Variants in CTBP2 observed in about 807,000 individuals in gnomAD.
The protein encoded by CTBP2 is C-terminal binding protein 2.
CTBP2 carries 30 observed loss-of-function variants against 80.3 expected under a neutral mutation model. The observed-to-expected ratio is 0.37, with a 90% CI of 0.28 to 0.51. The LOEUF (loss-of-function observed/expected upper bound fraction) is 0.51, where lower values mean the gene tolerates loss of function less well. Ranked by LOEUF, CTBP2 falls within the 20% of genes least tolerant of loss-of-function variation. The pLI, the probability that CTBP2 is intolerant of heterozygous loss-of-function variation, is 0.93. For synonymous variants in CTBP2, 594 were observed against 587.4 expected (o/e 1.01, Z -0.16); for missense variants, 1,212 against 1,375.3 (o/e 0.88, Z 1.88).
chr10:125,155,594 C>T (rs1436542400), intron 1 of CTBP2, among the ~76,000 whole-genome samples: 1 of 151,818 alleles, frequency 6.6e-6, no homozygotes, highest in East Asian at 1.9e-4. Context: ...TCCATTAAAT[C>T]ATGATCAAAA....
At chr10:125,136,309 T>C (rs896901534) in intron 1 of CTBP2, among the ~76,000 whole-genome samples, 1 of 152,108 alleles carries the variant, frequency 6.6e-6, no homozygotes, top group Admixed American at 6.5e-5. Flanking sequence ...TCAGGGTGCA[T>C]GGGTGGGGCT....
chr10:125,121,474 C>G (rs1854312125), intron 1 of CTBP2, among the ~76,000 whole-genome samples: 1 of 152,172 alleles, frequency 6.6e-6, no homozygotes, highest in Non-Finnish European at 1.5e-5. Flanking sequence ...TGAAGAGTAT[C>G]CTTGCTGTGG....
intron 2 of CTBP2, among the ~76,000 whole-genome samples, chr10:125,076,904 T>C (rs943186884): frequency 6.6e-6 from 1 of 152,204 alleles, no homozygotes; most frequent in Non-Finnish European, 1.5e-5. Context: ...TAAATGGTCA[T>C]TTCTGCCAAG....
chr10:125,124,139 G>A (rs1225962791), intron 1 of CTBP2, among the ~76,000 whole-genome samples: 2 of 152,202 alleles, frequency 1.3e-5, no homozygotes, highest in African/African-American at 4.8e-5. Flanking sequence ...TGTGCTAGCA[G>A]ATAGCCAGGG....
intron 1 of CTBP2, among the ~76,000 whole-genome samples, chr10:125,143,140 C>T (rs577502371): frequency 2.0e-4 from 30 of 152,304 alleles, no homozygotes; most frequent in Admixed American, 4.6e-4. Flanking sequence ...CACGACATCC[C>T]GCACACAGTA....
At chr10:125,124,690 A>G (rs764082691) in intron 1 of CTBP2, among the ~76,000 whole-genome samples, 6 of 152,234 alleles carry the variant, frequency 3.9e-5, no homozygotes, top group Non-Finnish European at 8.8e-5. Flanking sequence ...TTCTACATAC[A>G]TTAAATATAT....
Position 125,026,556 on chromosome 10 carries a change from G to C in CTBP2, c.1204C>G (p.Pro402Ala), listed in dbSNP as rs113477585. The stretch of plus-strand genomic sequence containing the variant: ...GGTGCGCTGGAGGGACGGCGAGCCG[G>C]GTCTCCAGCTCGGGGGGATGCTGTC... Residue 402 changes from proline to alanine, a missense_variant, in exon 1 of 9, where the codon CCG becomes GCG. Physicochemically the swap from Pro to Ala is conservative, Grantham distance 27. Transcript: ENST00000309035. 3.8e-6 allele frequency: 6 copies of C among 1,559,484 alleles called. No homozygotes were observed. Among genetic ancestry groups the C allele is most frequent in the Non-Finnish European group, 3.5e-6 (4 of 1,154,020 alleles).
At chr10:125,128,066 C>A (rs1855552970) in intron 1 of CTBP2, among the ~76,000 whole-genome samples, 1 of 152,112 alleles carries the variant, frequency 6.6e-6, no homozygotes, top group African/African-American at 2.4e-5. Context: ...GCTGCAGCTT[C>A]CTGAGGCCCA....
chr10:125,064,908 G>A (rs1844395566), intron 2 of CTBP2, among the ~76,000 whole-genome samples: 1 of 152,190 alleles, frequency 6.6e-6, no homozygotes, highest in African/African-American at 2.4e-5. Context: ...GCCAAGTTTT[G>A]CATATTTGGG....
At chr10:125,126,532 C>A (rs1368828545) in intron 1 of CTBP2, among the ~76,000 whole-genome samples, 1 of 152,190 alleles carries the variant, frequency 6.6e-6, no homozygotes, top group African/African-American at 2.4e-5. Flanking sequence ...ATGGGGATGG[C>A]AAAGGCAGAA....
chr10:125,012,141 G>A (rs1268903779), intron 1 of CTBP2, among the ~76,000 whole-genome samples: 3 of 152,258 alleles, frequency 2.0e-5, no homozygotes, highest in Non-Finnish European at 4.4e-5. Context: ...GTGAGGCTCT[G>A]CTTCTATTTC....
At chr10:125,019,625 T>C (rs3824797) in intron 1 of CTBP2, among the ~76,000 whole-genome samples, 49,376 of 152,032 alleles carry the variant, frequency 0.32, 8,350 homozygotes, top group Admixed American at 0.42. Flanking sequence ...ACTGGCTGAA[T>C]GGGACCCCTA....
At chr10:125,149,961 G>A (rs1206013132) in intron 1 of CTBP2, among the ~76,000 whole-genome samples, 1 of 152,206 alleles carries the variant, frequency 6.6e-6, no homozygotes, top group Admixed American at 6.5e-5. Flanking sequence ...ACACCACACG[G>A]ATGCAGGGGA....
intron 1 of CTBP2, among the ~76,000 whole-genome samples, chr10:125,016,766 TCTTTC>T (rs1189132068): frequency 6.6e-6 from 1 of 152,254 alleles, no homozygotes; most frequent in Non-Finnish European, 1.5e-5. Context: ...CCTCCACTCT[TCTTTC>T]TTCTCTAACT....
At chr10:125,041,594 T>C (rs1959833582) in intron 2 of CTBP2, among the ~76,000 whole-genome samples, 1 of 145,968 alleles carries the variant, frequency 6.9e-6, no homozygotes, top group South Asian at 2.1e-4. Context: ...GCGCAAGCTC[T>C]GATGGTCAAA....
intron 2 of CTBP2, among the ~76,000 whole-genome samples, chr10:125,084,903 A>G (rs1298990360): frequency 6.6e-6 from 1 of 152,180 alleles, no homozygotes; most frequent in Non-Finnish European, 1.5e-5. Context: ...ACACACAGCC[A>G]TGAGTTCCGC....
At chr10:125,162,001 G>T (rs1861928794), upstream of CTBP2, among the ~76,000 whole-genome samples, 1 of 152,220 alleles carries the variant, frequency 6.6e-6, no homozygotes, top group Non-Finnish European at 1.5e-5. Flanking sequence ...TCCGAGCGCC[G>T]TCTCCGGAAG....
chr10:125,145,120 C>T (rs563431184), intron 1 of CTBP2, among the ~76,000 whole-genome samples: 32 of 152,318 alleles, frequency 2.1e-4, no homozygotes, highest in African/African-American at 6.5e-4. Flanking sequence ...AATCTTCTTT[C>T]AACCATTTTT....
At chr10:125,113,075 G>A (rs1852579240) in intron 1 of CTBP2, among the ~76,000 whole-genome samples, 1 of 152,246 alleles carries the variant, frequency 6.6e-6, no homozygotes, top group Middle Eastern at 3.4e-3. Flanking sequence ...ATGTACCCAA[G>A]GTCAAGTAGT....
Sources: allele counts gnomAD v4.1 joint callset (sites outside exome capture counted in the v4.1 genomes callset), GRCh38; gene constraint gnomAD v4.1.1; transcripts MANE v1.5; gene names NCBI Gene and HGNC (gene_info 2026-07-23, HGNC 2026-07-21).